Variants in PRR23B observed in about 807,000 individuals in gnomAD.
The protein encoded by PRR23B is proline-rich protein 23B.
For synonymous variants in PRR23B, 157 were observed against 168.0 expected, an observed-to-expected ratio of 0.93 and a Z score of 0.51; for missense variants, 375 against 371.7, an observed-to-expected ratio of 1.01 and a Z score of -0.07.
chr3:139,019,890 C>T lies in PRR23B; in HGVS notation c.772G>A (p.Ala258Thr), dbSNP rs1936927460. 6.2e-7 allele frequency: 1 copy of T among 1,607,304 alleles called. No individual in the cohort carries two copies. Among genetic ancestry groups the T allele is most frequent in the Non-Finnish European group, 8.5e-7 (1 of 1,177,112 alleles). ...TATGCCTGGAACAGGCGTCTCCGGGCCTTGCACGGAGGGCGTTCCGGGAGC... is the reference window on the plus strand; with the variant it reads ...TATGCCTGGAACAGGCGTCTCCGGGTCTTGCACGGAGGGCGTTCCGGGAGC... ...SPLPERPPCKARRRLFQA is the reference protein window; with the variant it reads ...SPLPERPPCKTRRRLFQA The change falls in exon 1 of 1, where the codon GCC becomes ACC. Residue 258 changes from alanine to threonine, a missense_variant. By Grantham distance (58) the Ala-to-Thr change is moderately conservative. Coordinates refer to ENST00000329447, the MANE Select transcript of PRR23B (RefSeq NM_001013650.2).
In PRR23B at chr3:139,019,920, A is replaced by G; in HGVS notation, c.742T>C (p.Ser248Pro). 7 of 1,607,952 alleles carry G rather than the reference A, an allele frequency of 4.4e-6. No individual in the cohort carries two copies. Among genetic ancestry groups the G allele is most frequent in the Non-Finnish European group, 5.9e-6 (7 of 1,177,536 alleles). The change falls in exon 1 of 1, where the codon TCG (serine) becomes CCG (proline). Residue 248 changes from serine to proline, a missense_variant. Transcript: ENST00000329447. Reference sequence around the variant, plus strand: ...CACGGAGGGCGTTCCGGGAGCGGCGAGCGCGCGTGGGGACCTGGACTCCCC... The same window carrying G: ...CACGGAGGGCGTTCCGGGAGCGGCGGGCGCGCGTGGGGACCTGGACTCCCC... ...CVGSPGPHAR[S>P]PLPERPPCKA... is the part of the protein sequence containing the mutation.
rs753848744 is a variant in PRR23B, at chr3:139,020,381, C to T, written c.281G>A (p.Gly94Glu). 11 of 1,614,010 alleles carry T rather than the reference C, an allele frequency of 6.8e-6. No homozygotes were observed. The South Asian group carries it at 1.2e-4, about 18-fold the overall frequency. The change falls in exon 1 of 1, where the codon GGA becomes GAA. Residue 94 changes from glycine (G) to glutamate (E), a missense_variant. By Grantham distance (98) the Gly-to-Glu change is moderately conservative. Transcript: ENST00000329447. The part of the protein sequence containing the change: ...PTSILRVSLG[G>E]HTLILIPEVL... ...CTCTGGGATCAGGATGAGGGTGTGT[C>T]CACCGAGAGACACTCGCAGGATCGA... is the stretch of plus-strand genomic sequence containing the variant.
chr3:139,019,858 G>C lies in PRR23B; in HGVS notation c.*6C>G, dbSNP rs770978266. On this transcript the variant is annotated 3_prime_UTR_variant, in exon 1 of 1. Coordinates refer to ENST00000329447, the MANE Select transcript of PRR23B (RefSeq NM_001013650.2). ...AGGATTGTTGTGTGTACGTGGGGGT[G>C]GGGGTCTATGCCTGGAACAGGCGTC... 6.4e-7 allele frequency: 1 copy of C among 1,574,506 alleles called. No individual in the cohort carries two copies. The highest frequency in any genetic ancestry group is 1.9e-5 in the Admixed American group (1 of 52,536).
chr3:139,020,837 G>T lies in PRR23B; in HGVS notation c.-176C>A. Reference sequence around the variant, plus strand: ...CCTCGGAGCTCCCGGGGCGCCTCCTGGGGGACCGTAGTCTGGGCTGCTGGT... The same window carrying T: ...CCTCGGAGCTCCCGGGGCGCCTCCTTGGGGACCGTAGTCTGGGCTGCTGGT... On this transcript the variant is annotated 5_prime_UTR_variant, in exon 1 of 1. Coordinates refer to ENST00000329447, the MANE Select transcript of PRR23B (RefSeq NM_001013650.2). The T allele has an allele frequency of 3.8e-6, 3 of 799,126 alleles. No individual in the cohort carries two copies. The highest frequency in any genetic ancestry group is 4.3e-5 in the South Asian group (2 of 46,250). 49.5% of individuals were successfully genotyped at this position (799,126 alleles called of 1,614,324 possible).
Position 139,020,437 on chromosome 3 carries a change from G to T in PRR23B, c.225C>A (p.Asp75Glu). The T allele has an allele frequency of 3.7e-6, 6 of 1,613,242 alleles. No individual in the cohort carries two copies. The highest frequency in any genetic ancestry group is 5.1e-6 in the Non-Finnish European group (6 of 1,179,790). ...GTGCGGGCTCCAGCACCAGGTCGAC[G>T]TCGTCCAGGGGCACACGCAGGGCAC... ...AGCALRVPLD[D>E]VDLVLEPAPT... Residue 75 changes from aspartate to glutamate, a missense_variant, in exon 1 of 1, where the codon GAC becomes GAA. Transcript: ENST00000329447.
Position 139,020,184 on chromosome 3 carries a change from C to G in PRR23B, c.478G>C (p.Asp160His), listed in dbSNP as rs1049533638. The change falls in exon 1 of 1, where the codon GAC (aspartate) becomes CAC (histidine). Residue 160 changes from aspartate to histidine, a missense_variant. By Grantham distance (81) the Asp-to-His change is moderately conservative. Coordinates refer to ENST00000329447, the MANE Select transcript of PRR23B (RefSeq NM_001013650.2). ...ATCCGGAGCTCCGGGAACTCGGGGT[C>G]CGCGTCCTCCTCGTAGGCCTCTTCC... ...AQEEAYEEDADPEFPELRMDS... is the reference protein window; with the variant it reads ...AQEEAYEEDAHPEFPELRMDS... The G allele has an allele frequency of 6.2e-7, 1 of 1,613,920 alleles. No homozygotes were observed. Among genetic ancestry groups the G allele is most frequent in the Non-Finnish European group, 8.5e-7 (1 of 1,179,982 alleles).
rs1379403110 is a variant in PRR23B, at chr3:139,019,911, G to A, written c.751C>T (p.Pro251Ser). The part of the protein sequence containing the change: ...SPGPHARSPL[P>S]ERPPCKARRR... ...CGGGCCTTGCACGGAGGGCGTTCCG[G>A]GAGCGGCGAGCGCGCGTGGGGACCT... is the stretch of plus-strand genomic sequence containing the variant. Residue 251 changes from proline (P) to serine (S), a missense_variant, in exon 1 of 1, where the codon CCG becomes TCG. Coordinates refer to ENST00000329447, the MANE Select transcript of PRR23B (RefSeq NM_001013650.2). 3 of 1,609,598 alleles carry A rather than the reference G, an allele frequency of 1.9e-6. No individual in the cohort carries two copies. Among genetic ancestry groups the A allele is most frequent in the Non-Finnish European group, 1.7e-6 (2 of 1,178,236 alleles).
Position 139,020,329 on chromosome 3 carries a change from G to C in PRR23B, c.333C>G (p.Arg111=). 2 of 1,614,094 alleles carry C rather than the reference G, an allele frequency of 1.2e-6. No individual in the cohort carries two copies. The highest frequency in any genetic ancestry group is 1.7e-6 in the Non-Finnish European group (2 of 1,180,018). ...CAGACGAGTCGTGCTGCGCTCCTGAGCGTTCGTCGACGGAGCTCAGGAGGA... is the reference window on the plus strand; with the variant it reads ...CAGACGAGTCGTGCTGCGCTCCTGACCGTTCGTCGACGGAGCTCAGGAGGA... ...PEVLLSSVDE[R]SGAQHDSSAG... is the part of the protein sequence containing the mutation. The change falls in exon 1 of 1, where the codon CGC becomes CGG. Residue 111 remains arginine, a synonymous_variant. Coordinates refer to ENST00000329447, the MANE Select transcript of PRR23B (RefSeq NM_001013650.2).
chr3:139,019,828 C>T lies in PRR23B; in HGVS notation c.*36G>A. The T allele has an allele frequency of 6.6e-7, 1 of 1,522,502 alleles. No homozygotes were observed. The highest frequency in any genetic ancestry group is 2.3e-5 in the East Asian group (1 of 44,140). The allele number at this position is 1,522,502 out of a possible 1,614,324, so 94.3% of individuals were successfully genotyped here. A position where few individuals can be genotyped will look rare whatever the true frequency, so the allele number is the denominator to read the frequency against. The stretch of plus-strand genomic sequence containing the variant: ...CAATCCTAGAGGGCCTCCAGCAGAG[C>T]GGCCAGGATTGTTGTGTGTACGTGG... On this transcript the variant is annotated 3_prime_UTR_variant, in exon 1 of 1. Transcript: ENST00000329447.
chr3:139,020,828 G>C lies in PRR23B; in HGVS notation c.-167C>G. ...GGGGCGAGTCCTCGGAGCTCCCGGG[G>C]CGCCTCCTGGGGGACCGTAGTCTGG... On this transcript the variant is annotated 5_prime_UTR_variant, in exon 1 of 1. Coordinates refer to ENST00000329447, the MANE Select transcript of PRR23B (RefSeq NM_001013650.2). The C allele has an allele frequency of 1.1e-6, 1 of 881,178 alleles. No homozygotes were observed. Among genetic ancestry groups the C allele is most frequent in the Non-Finnish European group, 1.6e-6 (1 of 606,468 alleles). The allele number at this position is 881,178 out of a possible 1,614,324, so 54.6% of individuals were successfully genotyped here. A position where few individuals can be genotyped will look rare whatever the true frequency, so the allele number is the denominator to read the frequency against.
At position 139,020,320 on chromosome 3, in the gene PRR23B, C is replaced by T. The variant is rs1423147832; in HGVS notation, c.342G>A (p.Ala114=). 1 of 1,613,968 alleles carries T rather than the reference C, an allele frequency of 6.2e-7. No individual in the cohort carries two copies. Among genetic ancestry groups the T allele is most frequent in the Non-Finnish European group, 8.5e-7 (1 of 1,180,006 alleles). The part of the protein sequence containing the change: ...LLSSVDERSG[A]QHDSSAGLEV... ...CCAGCCCGGCAGACGAGTCGTGCTGCGCTCCTGAGCGTTCGTCGACGGAGC... is the reference window on the plus strand; with the variant it reads ...CCAGCCCGGCAGACGAGTCGTGCTGTGCTCCTGAGCGTTCGTCGACGGAGC... The change falls in exon 1 of 1, where the codon GCG becomes GCA. Residue 114 remains alanine, a synonymous_variant. Transcript: ENST00000329447.
At position 139,020,076 on chromosome 3, in the gene PRR23B, C is replaced by G. The variant is rs745838518; in HGVS notation, c.586G>C (p.Glu196Gln). 3 of 1,613,844 alleles carry G rather than the reference C, an allele frequency of 1.9e-6. No homozygotes were observed. The highest frequency in any genetic ancestry group is 1.7e-5 in the Admixed American group (1 of 60,002). ...FIPYREGPIPEPCALAPNPSS... is the reference protein window; with the variant it reads ...FIPYREGPIPQPCALAPNPSS... Reference sequence around the variant, plus strand: ...GGGTTGGGGGCCAGAGCACAGGGTTCTGGGATGGGGCCCTCCCGGTAGGGG... The same window carrying G: ...GGGTTGGGGGCCAGAGCACAGGGTTGTGGGATGGGGCCCTCCCGGTAGGGG... Residue 196 changes from glutamate to glutamine, a missense_variant, in exon 1 of 1, where the codon GAA becomes CAA. Coordinates refer to ENST00000329447, the MANE Select transcript of PRR23B (RefSeq NM_001013650.2).
Position 139,019,886 on chromosome 3 carries a change from C to T in PRR23B, c.776G>A (p.Arg259Gln). 1 of 1,604,560 alleles carries T rather than the reference C, an allele frequency of 6.2e-7. No homozygotes were observed. The stretch of plus-strand genomic sequence containing the variant: ...GGTCTATGCCTGGAACAGGCGTCTC[C>T]GGGCCTTGCACGGAGGGCGTTCCGG... ...PLPERPPCKARRRLFQA is the reference protein window; with the variant it reads ...PLPERPPCKAQRRLFQA The change falls in exon 1 of 1, where the codon CGG becomes CAG. Residue 259 changes from arginine to glutamine, a missense_variant. Physicochemically the swap from Arg to Gln is conservative, Grantham distance 43. Coordinates refer to ENST00000329447, the MANE Select transcript of PRR23B (RefSeq NM_001013650.2).
rs370987581 is a variant in PRR23B, at chr3:139,020,436, C to A, written c.226G>T (p.Val76Phe). ...GGTGCGGGCTCCAGCACCAGGTCGACGTCGTCCAGGGGCACACGCAGGGCA... is the reference window on the plus strand; with the variant it reads ...GGTGCGGGCTCCAGCACCAGGTCGAAGTCGTCCAGGGGCACACGCAGGGCA... ...GCALRVPLDD[V>F]DLVLEPAPTS... Residue 76 changes from valine (V) to phenylalanine (F), a missense_variant, in exon 1 of 1, where the codon GTC (valine) becomes TTC (phenylalanine). By Grantham distance (50) the Val-to-Phe change is conservative (BLOSUM62 -1). Coordinates refer to ENST00000329447, the MANE Select transcript of PRR23B (RefSeq NM_001013650.2). 2 of 1,613,294 alleles carry A rather than the reference C, an allele frequency of 1.2e-6. No homozygotes were observed. Among genetic ancestry groups the A allele is most frequent in the Admixed American group, 3.3e-5 (2 of 59,984 alleles).
Position 139,020,888 on chromosome 3 carries a change from G to A in PRR23B, c.-227C>T, listed in dbSNP as rs1576490461. ...GGTGCCTCGCCGGCCACCGGGCTCA[G>A]CTTAGCTCGTTGGACCCTTGGGCCT... On this transcript the variant is annotated 5_prime_UTR_variant, in exon 1 of 1. Coordinates refer to ENST00000329447, the MANE Select transcript of PRR23B (RefSeq NM_001013650.2). 1.7e-6 allele frequency: 1 copy of A among 572,294 alleles called. No individual in the cohort carries two copies. Among genetic ancestry groups the A allele is most frequent in the East Asian group, 3.3e-5 (1 of 29,852 alleles). 35.5% of individuals were successfully genotyped at this position (572,294 alleles called of 1,614,324 possible).
Position 139,019,808 on chromosome 3 carries a change from C to T in PRR23B, c.*56G>A. On this transcript the variant is annotated 3_prime_UTR_variant, in exon 1 of 1. Coordinates refer to ENST00000329447, the MANE Select transcript of PRR23B (RefSeq NM_001013650.2). ...CTCAATGTGAGAGATTCCCGCAATC[C>T]TAGAGGGCCTCCAGCAGAGCGGCCA... 6.6e-7 allele frequency: 1 copy of T among 1,504,608 alleles called. No homozygotes were observed. Among genetic ancestry groups the T allele is most frequent in the Non-Finnish European group, 8.9e-7 (1 of 1,123,024 alleles). 93.2% of individuals were successfully genotyped at this position (1,504,608 alleles called of 1,614,324 possible).
chr3:139,019,627 A>T lies in PRR23B; in HGVS notation c.*237T>A. The stretch of plus-strand genomic sequence containing the variant: ...CTTGTAAAGAAGCCCAGAAATCTGG[A>T]CACATTTTCTGGTATCCTTGCGCAG... On this transcript the variant is annotated 3_prime_UTR_variant, in exon 1 of 1. Coordinates refer to ENST00000329447, the MANE Select transcript of PRR23B (RefSeq NM_001013650.2). The T allele has an allele frequency of 2.3e-6, 1 of 440,140 alleles. No individual in the cohort carries two copies. The highest frequency in any genetic ancestry group is 3.4e-5 in the East Asian group (1 of 29,508). 27.3% of individuals were successfully genotyped at this position (440,140 alleles called of 1,614,324 possible). A position where few individuals can be genotyped will look rare whatever the true frequency, so the allele number is the denominator to read the frequency against.
In PRR23B at chr3:139,019,477, A is replaced by G. The variant is rs913961042; in HGVS notation, c.*387T>C. ...AAAAATGCAAGGTAACTAACAACGT[A>G]AGAGATCTGGTGATTTCTTGGTTTG... On this transcript the variant is annotated 3_prime_UTR_variant, in exon 1 of 1. Coordinates refer to ENST00000329447, the MANE Select transcript of PRR23B (RefSeq NM_001013650.2). The G allele has an allele frequency of 1.2e-5, 2 of 170,450 alleles. No individual in the cohort carries two copies. The highest frequency in any genetic ancestry group is 2.5e-5 in the Non-Finnish European group (2 of 80,228). The allele number at this position is 170,450 out of a possible 1,614,324, so 10.6% of individuals were successfully genotyped here. A position where few individuals can be genotyped will look rare whatever the true frequency, so the allele number is the denominator to read the frequency against.
Position 139,019,879 on chromosome 3 carries a change from G to T in PRR23B, c.783C>A (p.Arg261=), listed in dbSNP as rs764404305. The part of the protein sequence containing the change: ...PERPPCKARR[R]LFQA ...GGGTGGGGGTCTATGCCTGGAACAGGCGTCTCCGGGCCTTGCACGGAGGGC... is the reference window on the plus strand; with the variant it reads ...GGGTGGGGGTCTATGCCTGGAACAGTCGTCTCCGGGCCTTGCACGGAGGGC... Residue 261 remains arginine (R), a synonymous_variant, in exon 1 of 1, where the codon CGC becomes CGA. Transcript: ENST00000329447. 4.4e-6 allele frequency: 7 copies of T among 1,597,726 alleles called. No individual in the cohort carries two copies. The highest frequency in any genetic ancestry group is 5.1e-6 in the Non-Finnish European group (6 of 1,173,484).
Sources: allele counts gnomAD v4.1 joint callset, GRCh38; gene constraint gnomAD v4.1.1; transcripts MANE v1.5; gene names NCBI Gene and HGNC (gene_info 2026-07-23, HGNC 2026-07-21).